The following MUC12 variants were observed in gnomAD, a reference collection of about 807,000 sequenced individuals.
The protein encoded by MUC12 is mucin-12.
In MUC12, 172 loss-of-function variants were observed where a neutral mutation model predicts 230.8. That is an observed-to-expected ratio of 0.75 (90% CI 0.66 to 0.85). MUC12 has a LOEUF of 0.85. Among genes scored for constraint, MUC12 ranks in the 40% least tolerant of loss-of-function variants. The probability of loss-of-function intolerance (pLI) is 0.00; values close to 1 mark genes in which losing one functional copy is unlikely to be tolerated. For synonymous variants in MUC12, 1,259 were observed against 2,401.9 expected (o/e 0.52, Z 13.91); for missense variants, 3,506 against 5,920.6 (o/e 0.59, Z 13.38).
At chr7:100,990,176 T>C (rs908306330) in intron 1 of MUC12, among the ~76,000 whole-genome samples, 1 of 152,204 alleles carries the variant, frequency 6.6e-6, no homozygotes, top group African/African-American at 2.4e-5. Flanking sequence ...CGGCAAGAAG[T>C]GAGTAGCGGG....
chr7:100,972,073 G>A (rs909558374), intron 1 of MUC12: 58 of 702,768 alleles, frequency 8.3e-5, no homozygotes, highest in Admixed American at 1.4e-4. Flanking sequence ...GGAGGGCTCC[G>A]GAAGATCTGA....
At chr7:100,979,589 G>A (rs946682468) in intron 1 of MUC12, among the ~76,000 whole-genome samples, 2 of 152,018 alleles carry the variant, frequency 1.3e-5, no homozygotes, top group East Asian at 3.9e-4. Context: ...AGACCATCCT[G>A]GCCAACATGG....
Position 100,991,168 on chromosome 7 carries a change from C to A in MUC12, c.605C>A (p.Ser202Tyr). The change falls in exon 2 of 12, where the codon TCC becomes TAC. Residue 202 changes from serine (S) to tyrosine (Y), a missense_variant. Physicochemically the swap from Ser to Tyr is moderately radical, Grantham distance 144. Coordinates refer to ENST00000536621, the MANE Select transcript of MUC12 (RefSeq NM_001164462.2). ...ESTASHSIPG[S>Y]TDTTLSPGTT... is the part of the protein sequence containing the mutation. ...ACAGCTTCCCACAGCATCCCCGGCT[C>A]CACAGACACAACACTGTCCCCTGGC... is the stretch of plus-strand genomic sequence containing the variant. 6.5e-7 allele frequency: 1 copy of A among 1,537,678 alleles called. No homozygotes were observed. The highest frequency in any genetic ancestry group is 1.2e-5 in the South Asian group (1 of 84,054).
intron 1 of MUC12, among the ~76,000 whole-genome samples, chr7:100,971,462 G>A (rs1475449883): frequency 6.6e-6 from 1 of 152,310 alleles, no homozygotes; most frequent in East Asian, 1.9e-4. Flanking sequence ...ACACCTTCGA[G>A]GTAACCCACC....
chr7:101,004,620 C>G lies in MUC12; in HGVS notation c.14057C>G (p.Ser4686Cys). Reference sequence around the variant, plus strand: ...GGCCGTAGTGAGGAATCAACAGCATCCCACAGCAGCCCAGATACAAATGGA... The same window carrying G: ...GGCCGTAGTGAGGAATCAACAGCATGCCACAGCAGCCCAGATACAAATGGA... ...TSGRSEESTA[S>C]HSSPDTNGIT... The change falls in exon 2 of 12, where the codon TCC becomes TGC. Residue 4686 changes from serine to cysteine, a missense_variant. Coordinates refer to ENST00000536621, the MANE Select transcript of MUC12 (RefSeq NM_001164462.2). The G allele has an allele frequency of 1.3e-6, 2 of 1,536,632 alleles. No individual in the cohort carries two copies. The highest frequency in any genetic ancestry group is 1.7e-6 in the Non-Finnish European group (2 of 1,146,350).
At chr7:101,016,304 T>C (rs541066103) in intron 10 of MUC12, among the ~76,000 whole-genome samples, 2 of 152,090 alleles carry the variant, frequency 1.3e-5, no homozygotes, top group South Asian at 4.2e-4. Flanking sequence ...TGAGGGGCTT[T>C]GGCCGCCCAC....
Position 100,995,329 on chromosome 7 carries a change from C to T in MUC12, c.4766C>T (p.Thr1589Ile), listed in dbSNP as rs1163200406. The change falls in exon 2 of 12, where the codon ACA becomes ATA. Residue 1589 changes from threonine (T) to isoleucine (I), a missense_variant. Coordinates refer to ENST00000536621, the MANE Select transcript of MUC12 (RefSeq NM_001164462.2). ...AGCCGACCAGGCTCAACGCACACAA[C>T]AGCATTCCCTGGCAGTACCACCATG... is the stretch of plus-strand genomic sequence containing the variant. The part of the protein sequence containing the change: ...SHSRPGSTHT[T>I]AFPGSTTMPG... 1.0e-5 allele frequency: 16 copies of T among 1,531,262 alleles called. No individual in the cohort carries two copies. Among genetic ancestry groups the T allele is most frequent in the African/African-American group, 1.4e-5 (1 of 70,282 alleles). 94.9% of individuals were successfully genotyped at this position (1,531,262 alleles called of 1,614,324 possible). A position where few individuals can be genotyped will look rare whatever the true frequency, so the allele number is the denominator to read the frequency against.
chr7:100,973,158 G>C, intron 1 of MUC12: 1 of 626,816 alleles, frequency 1.6e-6, no homozygotes, highest in Admixed American at 2.5e-5. Context: ...ACCAGCATCA[G>C]AGAGGCCATT....
rs1584831781 is a variant in MUC12 at position 100,991,973 on chromosome 7, C to G, written c.1410C>G (p.Ile470Met). The G allele has an allele frequency of 6.5e-7, 1 of 1,537,860 alleles. No individual in the cohort carries two copies. Among genetic ancestry groups the G allele is most frequent in the Non-Finnish European group, 8.7e-7 (1 of 1,147,094 alleles). The change falls in exon 2 of 12, where the codon ATC becomes ATG. Residue 470 changes from isoleucine (I) to methionine (M), a missense_variant. Ile to Met is a conservative substitution (Grantham distance 10). Coordinates refer to ENST00000536621, the MANE Select transcript of MUC12 (RefSeq NM_001164462.2). ...VLVGDSTPSP[I>M]SSGSMETTAL... ...TTGGAGACTCGACGCCCTCACCCATCAGTTCAGGCTCAATGGAAACCACAG... is the reference window on the plus strand; with the variant it reads ...TTGGAGACTCGACGCCCTCACCCATGAGTTCAGGCTCAATGGAAACCACAG...
In MUC12 at chr7:100,992,345, C is replaced by T. The variant is rs1178329876; in HGVS notation, c.1782C>T (p.Asp594=). 1 of 1,536,512 alleles carries T rather than the reference C, an allele frequency of 6.5e-7. No homozygotes were observed. Among genetic ancestry groups the T allele is most frequent in the Non-Finnish European group, 8.7e-7 (1 of 1,146,016 alleles). ...PGSTETTLLP[D]NTTASGLLEA... ...CCACTGAAACAACACTCTTACCTGA[C>T]AACACCACAGCCTCAGGACTCCTTG... The change falls in exon 2 of 12, where the codon GAC becomes GAT. Residue 594 remains aspartate (D), a synonymous_variant. Coordinates refer to ENST00000536621, the MANE Select transcript of MUC12 (RefSeq NM_001164462.2).
rs138470062 is a variant in MUC12, at chr7:101,004,767, G to A, written c.14204G>A (p.Ser4735Asn). ...AGCACTGCCACAACACCAGGCCTCA[G>A]TGCAAAATCTACCATCCTTTACAGT... is the stretch of plus-strand genomic sequence containing the variant. ...LASTATTPGL[S>N]AKSTILYSSS... Residue 4735 changes from serine (S) to asparagine (N), a missense_variant, in exon 2 of 12, where the codon AGT (serine) becomes AAT (asparagine). Coordinates refer to ENST00000536621, the MANE Select transcript of MUC12 (RefSeq NM_001164462.2). The A allele has an allele frequency of 8.5e-4, 1,304 of 1,537,322 alleles. 15 individuals are homozygous for A. The South Asian group carries it at 8.7e-3, about 10-fold the overall frequency.
chr7:100,993,966 C>G lies in MUC12; in HGVS notation c.3403C>G (p.Gln1135Glu), dbSNP rs538423725. 6.7e-5 allele frequency: 93 copies of G among 1,385,222 alleles called. 13 individuals are homozygous for G. In the African/African-American group the frequency reaches 1.3e-3, roughly 20 times the overall value. The allele number at this position is 1,385,222 out of a possible 1,614,324, so 85.8% of individuals were successfully genotyped here. The change falls in exon 2 of 12, where the codon CAA (glutamine) becomes GAA (glutamate). Residue 1135 changes from glutamine (Q) to glutamate (E), a missense_variant. By Grantham distance (29) the Gln-to-Glu change is conservative. Transcript: ENST00000536621. ...VGEESTTSRS[Q>E]PGSTHSTVSP... The stretch of plus-strand genomic sequence containing the variant: ...TGAAGAATCCACCACCTCCCGTAGC[C>G]AACCAGGTTCTACTCACTCAACAGT...
intron 3 of MUC12, among the ~76,000 whole-genome samples, chr7:101,007,735 T>G (rs937412092): frequency 3.9e-5 from 6 of 152,226 alleles, no homozygotes; most frequent in African/African-American, 1.4e-4. Flanking sequence ...TTCAATGTAC[T>G]GATTTCCTTT....
chr7:101,005,026 A>G lies in MUC12; in HGVS notation c.14463A>G (p.Glu4821=). The change falls in exon 2 of 12, where the codon GAA becomes GAG. Residue 4821 remains glutamate (E), a synonymous_variant. Coordinates refer to ENST00000536621, the MANE Select transcript of MUC12 (RefSeq NM_001164462.2). ...TCACAACTTCATCTTTTGCTCAAGA[A>G]TTTACCACCCCTCATAGCCAACCAG... The part of the protein sequence containing the change: ...GSITTSSFAQ[E]FTTPHSQPGS... 6.5e-7 allele frequency: 1 copy of G among 1,537,728 alleles called. No homozygotes were observed. The highest frequency in any genetic ancestry group is 8.7e-7 in the Non-Finnish European group (1 of 1,147,024).
intron 5 of MUC12, among the ~76,000 whole-genome samples, chr7:101,009,378 G>C (rs946558282): frequency 6.6e-6 from 1 of 152,064 alleles, no homozygotes; most frequent in Non-Finnish European, 1.5e-5. Flanking sequence ...CTGGGTGCTG[G>C]GAACACAGTA....
At chr7:100,987,576 G>A (rs761032541) in intron 1 of MUC12, among the ~76,000 whole-genome samples, 1 of 152,220 alleles carries the variant, frequency 6.6e-6, no homozygotes, top group Non-Finnish European at 1.5e-5. Flanking sequence ...GGGCCTTGTG[G>A]GAGTTGTTTG....
At position 101,007,963 on chromosome 7, in the gene MUC12, A is replaced by ATT. The variant is rs71517131; in HGVS notation, c.15059-658_15059-657dup. Among the ~76,000 whole-genome samples, 874 of 138,714 alleles carry ATT rather than the reference A, an allele frequency of 6.3e-3. 9 individuals carry two copies. The highest frequency in any genetic ancestry group is 8.9e-3 in the African/African-American group (333 of 37,530). The allele number at this position is 138,714 out of a possible 152,430, so 91.0% of individuals were successfully genotyped here. A position where few individuals can be genotyped will look rare whatever the true frequency, so the allele number is the denominator to read the frequency against. ...CAGGTGCCCGTCACCATGCCTGGCT[A>ATT]TTTTTTTTTTTTTTGTATTTTTAGT... is the stretch of plus-strand genomic sequence containing the variant. On this transcript the variant is annotated intron_variant, in intron 3 of 11. Transcript: ENST00000536621.
Position 100,995,931 on chromosome 7 carries a change from G to C in MUC12, c.5368G>C (p.Ala1790Pro), listed in dbSNP as rs1484462802. 3 of 1,073,558 alleles carry C rather than the reference G, an allele frequency of 2.8e-6. No homozygotes were observed. Among genetic ancestry groups the C allele is most frequent in the Non-Finnish European group, 3.9e-6 (3 of 765,376 alleles). 66.5% of individuals were successfully genotyped at this position (1,073,558 alleles called of 1,614,324 possible). ...QTMHFPESST[A>P]SGRSEESRTS... is the part of the protein sequence containing the mutation. ...AATGCACTTCCCTGAAAGCTCCACA[G>C]CTTCAGGTCGTAGTGAAGAATCAAG... Residue 1790 changes from alanine to proline, a missense_variant, in exon 2 of 12, where the codon GCT (alanine) becomes CCT (proline). By Grantham distance (27) the Ala-to-Pro change is conservative. Transcript: ENST00000536621.
At chr7:101,014,164 T>C in intron 9 of MUC12, 90 bp downstream of exon 9, 1 of 1,374,194 alleles carries the variant, frequency 7.3e-7, no homozygotes, top group Non-Finnish European at 9.6e-7. Context: ...CTCTGCTCCT[T>C]CCAGGCCAGC....
Sources: allele counts gnomAD v4.1 joint callset (sites outside exome capture counted in the v4.1 genomes callset), GRCh38; gene constraint gnomAD v4.1.1; transcripts MANE v1.5; gene names NCBI Gene and HGNC (gene_info 2026-07-23, HGNC 2026-07-21).